The following MDGA2 variants were observed in gnomAD, a reference collection of about 807,000 sequenced individuals.
The protein encoded by MDGA2 is MAM domain-containing glycosylphosphatidylinositol anchor protein 2.
In MDGA2, 40 loss-of-function variants were observed where a neutral mutation model predicts 117.8. The observed-to-expected ratio is 0.34, with a 90% confidence interval of 0.26 to 0.44. The LOEUF (loss-of-function observed/expected upper bound fraction) is 0.44, where lower values mean the gene tolerates loss of function less well. Ranked by LOEUF, MDGA2 falls within the 20% of genes least tolerant of loss-of-function variation. The pLI is 1.00. For missense variants in MDGA2, 1,123 were observed against 1,250.6 expected (o/e 0.90, Z 1.54); for synonymous variants, 452 against 439.0 (o/e 1.03, Z -0.37).
intron 1 of MDGA2, among the ~76,000 whole-genome samples, chr14:47,673,650 G>C (rs1898116926): frequency 6.6e-6 from 1 of 151,716 alleles, no homozygotes; most frequent in African/African-American, 2.4e-5. Context: ...GTGTGTGTGT[G>C]TGTGTGTGTG....
chr14:47,210,844 C>G (rs1466829641), intron 3 of MDGA2, among the ~76,000 whole-genome samples: 1 of 152,052 alleles, frequency 6.6e-6, no homozygotes, highest in Non-Finnish European at 1.5e-5. Context: ...CAAAGCAAGA[C>G]CCCACTATGC....
chr14:47,627,935 C>T lies in MDGA2; in HGVS notation c.280+46582G>A, dbSNP rs773384734. Among the ~76,000 whole-genome samples, 10 of 152,250 alleles carry T rather than the reference C, an allele frequency of 6.6e-5. No individual in the cohort carries two copies. In the East Asian group the frequency reaches 1.2e-3, roughly 18 times the overall value. On this transcript the variant is annotated intron_variant, in intron 1 of 16. Coordinates refer to ENST00000399232, the MANE Select transcript of MDGA2 (RefSeq NM_001113498.3). Reference sequence around the variant, plus strand: ...TCCGAACATCAGAAGGAACGAACTCCGGACACGCCACCTTTAAGAACTGTA... The same window carrying T: ...TCCGAACATCAGAAGGAACGAACTCTGGACACGCCACCTTTAAGAACTGTA...
intron 2 of MDGA2, among the ~76,000 whole-genome samples, chr14:47,237,381 T>C (rs1886899254): frequency 6.6e-6 from 1 of 152,160 alleles, no homozygotes; most frequent in Non-Finnish European, 1.5e-5. Context: ...CTTACCTTTA[T>C]ACCTCTGAAT....
intron 1 of MDGA2, among the ~76,000 whole-genome samples, chr14:47,554,673 A>G (rs1895650815): frequency 6.6e-6 from 1 of 152,238 alleles, no homozygotes; most frequent in Admixed American, 6.5e-5. Flanking sequence ...TTTCCATTTC[A>G]CCTAAGAGTC....
intron 10 of MDGA2, among the ~76,000 whole-genome samples, chr14:46,899,050 T>C (rs1178777608): frequency 6.6e-6 from 1 of 152,030 alleles, no homozygotes; most frequent in Non-Finnish European, 1.5e-5. Flanking sequence ...TCGCAGCCGC[T>C]AATGGAAAGG....
chr14:47,580,744 C>T (rs917211970), intron 1 of MDGA2, among the ~76,000 whole-genome samples: 1 of 151,790 alleles, frequency 6.6e-6, no homozygotes, highest in Non-Finnish European at 1.5e-5. Context: ...TTTCCTGAGG[C>T]TTTACATCAG....
chr14:47,082,136 T>C (rs1890728952), intron 6 of MDGA2, among the ~76,000 whole-genome samples: 5 of 152,146 alleles, frequency 3.3e-5, no homozygotes, highest in Admixed American at 3.3e-4. Flanking sequence ...AAAGTTAGTC[T>C]GTCTCACTAC....
At chr14:47,623,714 T>C (rs1897091305) in intron 1 of MDGA2, among the ~76,000 whole-genome samples, 1 of 152,150 alleles carries the variant, frequency 6.6e-6, no homozygotes, top group African/African-American at 2.4e-5. Flanking sequence ...AAAAAAAATA[T>C]TGAGGCTTGA....
chr14:46,897,270 T>C (rs559993083), intron 10 of MDGA2, among the ~76,000 whole-genome samples: 8 of 152,160 alleles, frequency 5.3e-5, no homozygotes, highest in South Asian at 2.1e-4. Flanking sequence ...TTTTAACTTA[T>C]TATCAACCTC....
intron 3 of MDGA2, among the ~76,000 whole-genome samples, chr14:47,172,930 T>C (rs745431196): frequency 5.9e-5 from 9 of 152,196 alleles, no homozygotes; most frequent in Middle Eastern, 3.4e-3. Context: ...ATAACTAGAA[T>C]AACCAATACA....
chr14:47,446,328 T>C (rs960160707), intron 1 of MDGA2, among the ~76,000 whole-genome samples: 1 of 152,034 alleles, frequency 6.6e-6, no homozygotes, highest in Non-Finnish European at 1.5e-5. Flanking sequence ...GAAATCTGAG[T>C]GGAAGATTAC....
chr14:47,631,236 T>A (rs1897245252), intron 1 of MDGA2, among the ~76,000 whole-genome samples: 1 of 152,128 alleles, frequency 6.6e-6, no homozygotes. Context: ...CTCCCATCAG[T>A]GTAACCAGAT....
chr14:47,086,345 T>G (rs1436107617), intron 6 of MDGA2, among the ~76,000 whole-genome samples: 1 of 152,066 alleles, frequency 6.6e-6, no homozygotes, highest in Admixed American at 6.5e-5. Context: ...GAATTATATT[T>G]GATTACATCT....
At chr14:47,394,643 T>A (rs1447179882) in intron 1 of MDGA2, among the ~76,000 whole-genome samples, 1 of 152,166 alleles carries the variant, frequency 6.6e-6, no homozygotes, top group African/African-American at 2.4e-5. Context: ...TCTATATTTG[T>A]TACTGGTCTC....
intron 1 of MDGA2, among the ~76,000 whole-genome samples, chr14:47,628,291 T>C (rs1281200648): frequency 1.3e-5 from 2 of 152,202 alleles, no homozygotes; most frequent in Non-Finnish European, 2.9e-5. Flanking sequence ...TGTGTAATTA[T>C]GGGCCTATTT....
intron 2 of MDGA2, among the ~76,000 whole-genome samples, chr14:47,228,205 T>A (rs1446504054): frequency 6.6e-6 from 1 of 152,174 alleles, no homozygotes; most frequent in Admixed American, 6.5e-5. Flanking sequence ...CTTTAAAACA[T>A]GTTTCATAAC....
At chr14:47,411,941 TAGTCACTCTTACTAGG>T (rs1240399892) in intron 1 of MDGA2, among the ~76,000 whole-genome samples, 2 of 152,204 alleles carry the variant, frequency 1.3e-5, no homozygotes, top group African/African-American at 2.4e-5. Flanking sequence ...CATTGAAAAG[TAGTCACTCTTACTAGG>T]AGTACTGCTG....
At chr14:47,436,376 A>G (rs1183674699) in intron 1 of MDGA2, among the ~76,000 whole-genome samples, 1 of 152,136 alleles carries the variant, frequency 6.6e-6, no homozygotes, top group Non-Finnish European at 1.5e-5. Context: ...ATAATGTTAC[A>G]TGTAGCTAGT....
At chr14:46,888,151 T>TA (rs1201928280) in intron 10 of MDGA2, among the ~76,000 whole-genome samples, 1 of 152,020 alleles carries the variant, frequency 6.6e-6, no homozygotes, top group East Asian at 1.9e-4. Context: ...AATGAAAGTG[T>TA]ATACTTCAGC....
Sources: gnomAD v4.1 joint callset for allele counts (sites outside exome capture counted in the v4.1 genomes callset) on GRCh38, gnomAD v4.1.1 for gene constraint, MANE v1.5 for transcripts, NCBI Gene and HGNC (gene_info 2026-07-23, HGNC 2026-07-21) for gene names.